Variants in UCKL1 observed in about 807,000 individuals in gnomAD.
The protein encoded by UCKL1 is uridine-cytidine kinase-like 1.
A neutral mutation model predicts 59.2 loss-of-function variants in UCKL1; 65 were observed. That is an observed-to-expected ratio of 1.10 (90% CI 0.90 to 1.35). The LOEUF (loss-of-function observed/expected upper bound fraction) is 1.35. Among genes scored for constraint, UCKL1 ranks in the 40% most tolerant of loss-of-function variants. The pLI is 0.00. For missense variants in UCKL1, 703 were observed against 784.3 expected (o/e 0.90, Z 1.24); for synonymous variants, 410 against 323.1 (o/e 1.27, Z -2.88).
intron 1 of UCKL1, among the ~76,000 whole-genome samples, chr20:63,947,427 G>A (rs1351819836): frequency 1.3e-5 from 2 of 152,226 alleles, no homozygotes; most frequent in Non-Finnish European, 2.9e-5. Context: ...GAGACGTGAG[G>A]GCGGCGTGTG....
intron 8 of UCKL1, among the ~76,000 whole-genome samples, chr20:63,941,862 C>CGGGGCAGGAAAGGGGGTGATGCA (rs1600992514): frequency 8.2e-6 from 1 of 122,402 alleles, no homozygotes; most frequent in Admixed American, 8.4e-5. Flanking sequence ...GGGAATGGGG[C>CGGGGCAGGAAAGGGGGTGATGCA]GGGGCAGGAA....
intron 1 of UCKL1, chr20:63,950,818 G>T: frequency 1.3e-6 from 2 of 1,535,754 alleles, no homozygotes; most frequent in Non-Finnish European, 8.8e-7. Flanking sequence ...AAGCTGGGGG[G>T]CTGCTCATGG....
intron 8 of UCKL1, chr20:63,942,553 A>G: frequency 2.9e-6 from 3 of 1,028,060 alleles, no homozygotes; most frequent in Non-Finnish European, 3.8e-6. Flanking sequence ...GTTTACAGAG[A>G]GAAGGAAGAG....
intron 1 of UCKL1, among the ~76,000 whole-genome samples, 176 bp from the exon 2 acceptor site, chr20:63,946,819 T>C (rs954359426): frequency 3.9e-5 from 6 of 152,050 alleles, no homozygotes; most frequent in African/African-American, 1.5e-4. Context: ...GGCTCATGCC[T>C]GTAATCCCAG....
chr20:63,952,846 TTCC>T (rs1443208378), intron 1 of UCKL1, among the ~76,000 whole-genome samples: 1 of 152,234 alleles, frequency 6.6e-6, no homozygotes, highest in African/African-American at 2.4e-5. Flanking sequence ...TTGCCTCAGT[TTCC>T]TCCTCAAGGA....
intron 8 of UCKL1, chr20:63,942,579 G>T: frequency 1.1e-6 from 1 of 884,318 alleles, no homozygotes; most frequent in Non-Finnish European, 1.6e-6. Flanking sequence ...AGAGAAGGCT[G>T]CTTAGTTGGG....
At position 63,943,590 on chromosome 20, in the gene UCKL1, C is replaced by G. The variant is rs2055288189; in HGVS notation, c.923+63G>C. 5.6e-6 allele frequency: 9 copies of G among 1,611,096 alleles called. No individual in the cohort carries two copies. In the South Asian group the frequency reaches 7.7e-5, roughly 14 times the overall value. On this transcript the variant is annotated intron_variant, in intron 8 of 14. Transcript: ENST00000354216. ...TGCCTGGCTGGATCACAGCCCAGAC[C>G]CCAGAGCTCCTTGGAGGTGTTGGAA...
At chr20:63,950,879 A>G in intron 1 of UCKL1, 1 of 1,448,354 alleles carries the variant, frequency 6.9e-7, no homozygotes, top group Non-Finnish European at 9.1e-7. Flanking sequence ...CCAGGGGTGG[A>G]TGCGTGGGGG....
intron 8 of UCKL1, chr20:63,942,582 T>A: frequency 1.2e-6 from 1 of 862,626 alleles, no homozygotes; most frequent in South Asian, 1.6e-5. Flanking sequence ...GAAGGCTGCT[T>A]AGTTGGGGAG....
In UCKL1 at chr20:63,946,272, C is replaced by A. The variant is rs763956579; in HGVS notation, c.305-5G>T. The stretch of plus-strand genomic sequence containing the variant: ...AGGCACTGCCGCCTCCCAAGCCTGC[C>A]GGCGGGAGTGGAGACCCTCTGTGAG... On this transcript the variant is annotated splice_region_variant and splice_polypyrimidine_tract_variant and intron_variant, in intron 2 of 14. Coordinates refer to ENST00000354216, the MANE Select transcript of UCKL1 (RefSeq NM_017859.4). 2 of 1,581,706 alleles carry A rather than the reference C, an allele frequency of 1.3e-6. No homozygotes were observed. Among genetic ancestry groups the A allele is most frequent in the Non-Finnish European group, 1.7e-6 (2 of 1,164,854 alleles).
At position 63,945,724 on chromosome 20, in the gene UCKL1, T is replaced by C; in HGVS notation, c.583-2A>G. On this transcript the variant is annotated splice_acceptor_variant, in intron 4 of 14. Transcript: ENST00000354216. LOFTEE classifies it high-confidence loss of function. Reference sequence around the variant, plus strand: ...GACGTTTGCACCATACAGTGTTTTCTGTGAAGAAACCCAGGAGTTGCGGAG... The same window carrying C: ...GACGTTTGCACCATACAGTGTTTTCCGTGAAGAAACCCAGGAGTTGCGGAG... 2 of 1,612,992 alleles carry C rather than the reference T, an allele frequency of 1.2e-6. No homozygotes were observed. Among genetic ancestry groups the C allele is most frequent in the South Asian group, 1.1e-5 (1 of 91,088 alleles).
At chr20:63,947,707 C>G (rs2056623673) in intron 1 of UCKL1, among the ~76,000 whole-genome samples, 2 of 152,260 alleles carry the variant, frequency 1.3e-5, no homozygotes, top group African/African-American at 4.8e-5. Context: ...CCTCCGGCAT[C>G]TGGCAAACAC....
chr20:63,947,484 G>C (rs1025505815), intron 1 of UCKL1, among the ~76,000 whole-genome samples: 2 of 152,234 alleles, frequency 1.3e-5, no homozygotes, highest in African/African-American at 4.8e-5. Flanking sequence ...CCGAGGGTGA[G>C]GTCCCCAGAC....
intron 1 of UCKL1, chr20:63,950,622 T>C: frequency 9.5e-7 from 1 of 1,055,710 alleles, no homozygotes. Flanking sequence ...CCCTGGGCTC[T>C]GCCCGGTGCC....
intron 1 of UCKL1, chr20:63,948,560 CGTGTGTGAGAGGGAGGGGATGT>C (rs2056882128): frequency 1.9e-5 from 1 of 52,716 alleles, no homozygotes. Flanking sequence ...AGGAGGGAGG[CGTGTGTGAGAGGGAGGGGATGT>C]GTGTGAGAGG....
At chr20:63,943,193 C>T (rs369847948) in intron 8 of UCKL1, among the ~76,000 whole-genome samples, 6 of 152,294 alleles carry the variant, frequency 3.9e-5, no homozygotes, top group African/African-American at 1.2e-4. Flanking sequence ...AAGCAGGACC[C>T]GGGTGGGTGG....
chr20:63,945,499 C>T (rs2055921692), intron 5 of UCKL1, 152 bp downstream of exon 5: 3 of 759,718 alleles, frequency 3.9e-6, no homozygotes, highest in South Asian at 1.9e-5. Flanking sequence ...CCAGCTGTGG[C>T]ATGCCTGGGG....
rs2053886189 is a variant in UCKL1, at chr20:63,939,879, T to C, written c.*97A>G. 2.9e-6 allele frequency: 3 copies of C among 1,025,540 alleles called. No homozygotes were observed. The highest frequency in any genetic ancestry group is 1.5e-5 in the South Asian group (1 of 67,388). 63.5% of individuals were successfully genotyped at this position (1,025,540 alleles called of 1,614,324 possible). A position where few individuals can be genotyped will look rare whatever the true frequency, so the allele number is the denominator to read the frequency against. The stretch of plus-strand genomic sequence containing the variant: ...TTTATAAAATGCATAGAATAAATTA[T>C]ACTAGTAACATTTTAAAAATTAACA... On this transcript the variant is annotated 3_prime_UTR_variant, in exon 15 of 15. Coordinates refer to ENST00000354216, the MANE Select transcript of UCKL1 (RefSeq NM_017859.4).
At chr20:63,949,522 C>T (rs536913138) in intron 1 of UCKL1, among the ~76,000 whole-genome samples, 17 of 152,274 alleles carry the variant, frequency 1.1e-4, no homozygotes, top group South Asian at 8.3e-4. Context: ...AAAGGGCCTG[C>T]AAGGGTCACC....
Sources: gnomAD v4.1 joint callset for allele counts (sites outside exome capture counted in the v4.1 genomes callset) on GRCh38, gnomAD v4.1.1 for gene constraint, MANE v1.5 for transcripts, NCBI Gene and HGNC (gene_info 2026-07-23, HGNC 2026-07-21) for gene names.